Variants in ANK1 observed in about 807,000 individuals in gnomAD.
ANK1 encodes ankyrin-1.
In ANK1, 51 loss-of-function variants were observed where a neutral mutation model predicts 210.4. The observed-to-expected ratio is 0.24, with a 90% CI of 0.19 to 0.31. The LOEUF (loss-of-function observed/expected upper bound fraction) is 0.31. Among genes scored for constraint, ANK1 ranks in the 10% least tolerant of loss-of-function variants. The pLI, the probability that ANK1 is intolerant of heterozygous loss-of-function variation, is 1.00. For synonymous variants in ANK1, 967 were observed against 1,025.9 expected, an observed-to-expected ratio of 0.94 and a Z score of 1.10; for missense variants, 2,051 against 2,504.4, an observed-to-expected ratio of 0.82 and a Z score of 3.86.
intron 1 of ANK1, among the ~76,000 whole-genome samples, chr8:41,877,321 T>A (rs1366299532): frequency 6.6e-6 from 1 of 152,234 alleles, no homozygotes; most frequent in African/African-American, 2.4e-5. Flanking sequence ...AGCAGGCTCA[T>A]GGTGGCCAGC....
At chr8:41,823,331 G>T (rs1023466800) in intron 1 of ANK1, among the ~76,000 whole-genome samples, 27 of 152,168 alleles carry the variant, frequency 1.8e-4, no homozygotes, top group Non-Finnish European at 3.4e-4. Flanking sequence ...ACTTGGAGAA[G>T]AAACAGACAT....
At chr8:41,844,544 G>A (rs2150807234) in intron 1 of ANK1, among the ~76,000 whole-genome samples, 1 of 152,232 alleles carries the variant, frequency 6.6e-6, no homozygotes, top group South Asian at 2.1e-4. Flanking sequence ...GCCACAGGGG[G>A]GCGGGCAGCA....
At chr8:41,752,712 G>A (rs1177936433) in intron 2 of ANK1, among the ~76,000 whole-genome samples, 4 of 151,596 alleles carry the variant, frequency 2.6e-5, no homozygotes, top group East Asian at 1.9e-4. Flanking sequence ...CATCACCCAA[G>A]CCTGCTTGGC....
At chr8:41,838,883 C>T (rs1808334508) in intron 1 of ANK1, among the ~76,000 whole-genome samples, 1 of 152,004 alleles carries the variant, frequency 6.6e-6, no homozygotes, top group Non-Finnish European at 1.5e-5. Flanking sequence ...TCAAGACCAG[C>T]CTGGCCAACA....
At chr8:41,844,148 C>A (rs1809551318) in intron 1 of ANK1, among the ~76,000 whole-genome samples, 1 of 152,212 alleles carries the variant, frequency 6.6e-6, no homozygotes, top group Non-Finnish European at 1.5e-5. Flanking sequence ...GTTGGGATTA[C>A]AAGCGTGAGC....
At chr8:41,757,743 G>C (rs1392897639) in intron 2 of ANK1, among the ~76,000 whole-genome samples, 2 of 152,194 alleles carry the variant, frequency 1.3e-5, no homozygotes, top group African/African-American at 4.8e-5. Flanking sequence ...CAATTCAAAG[G>C]CCACATATTC....
chr8:41,715,837 G>C lies in ANK1; in HGVS notation c.1417C>G (p.Pro473Ala), dbSNP rs1046751152. ...VNAKAKDDQTPLHCAARIGHT... is the reference protein window; with the variant it reads ...VNAKAKDDQTALHCAARIGHT... ...CCGATGCGAGCTGCACAGTGAAGTG[G>C]GGTCTGGTCATCCTGGACCCCGAAG... Residue 473 changes from proline (P) to alanine (A), a missense_variant, in exon 14 of 43, where the codon CCA (proline) becomes GCA (alanine). Transcript: ENST00000289734. 1.2e-6 allele frequency: 2 copies of C among 1,614,218 alleles called. No homozygotes were observed. The highest frequency in any genetic ancestry group is 3.3e-5 in the Admixed American group (2 of 60,024).
chr8:41,875,847 G>T (rs557126128), intron 1 of ANK1, among the ~76,000 whole-genome samples: 2 of 152,108 alleles, frequency 1.3e-5, no homozygotes, highest in African/African-American at 2.4e-5. Context: ...GTTACACGGC[G>T]CAGGGACTGG....
chr8:41,665,190 G>A, intron 39 of ANK1: 1 of 1,532,286 alleles, frequency 6.5e-7, no homozygotes, highest in Non-Finnish European at 8.7e-7. Context: ...TTCTCTCTCT[G>A]TGGGCAGGAC....
At chr8:41,735,747 G>C (rs990171868) in intron 2 of ANK1, among the ~76,000 whole-genome samples, 1 of 152,192 alleles carries the variant, frequency 6.6e-6, no homozygotes, top group East Asian at 1.9e-4. Flanking sequence ...ACTAGCAGAG[G>C]AAAGTCACCC....
At chr8:41,677,636 C>A (rs1424233975) in intron 37 of ANK1, among the ~76,000 whole-genome samples, 1 of 150,784 alleles carries the variant, frequency 6.6e-6, no homozygotes, top group East Asian at 1.9e-4. Flanking sequence ...GTTGCCCAGG[C>A]TGGAGTGCAA....
rs749712558 is a variant in ANK1, at chr8:41,719,672, A to G, written c.1096T>C (p.Ser366Pro). 20 of 1,614,038 alleles carry G rather than the reference A, an allele frequency of 1.2e-5. No individual in the cohort carries two copies. Among genetic ancestry groups the G allele is most frequent in the Non-Finnish European group, 1.7e-5 (20 of 1,180,034 alleles). The change falls in exon 10 of 43, where the codon TCC becomes CCC. Residue 366 changes from serine to proline, a missense_variant. Transcript: ENST00000289734. ...GCACCCCCACTCACCAGGGCTCTGGAGTTGGGTTTGGCCCCTTTATCCAGA... is the reference window on the plus strand; with the variant it reads ...GCACCCCCACTCACCAGGGCTCTGGGGTTGGGTTTGGCCCCTTTATCCAGA... ...VLLDKGAKPN[S>P]RALNGFTPLH...
At chr8:41,657,369 G>A (rs12544241) in intron 42 of ANK1, among the ~76,000 whole-genome samples, 91,031 of 151,918 alleles carry the variant, frequency 0.6, 27,851 homozygotes, top group African/African-American at 0.72. Context: ...CAGTAATAGG[G>A]CCTACCCATT....
chr8:41,885,267 T>C (rs1254401584), intron 1 of ANK1, among the ~76,000 whole-genome samples: 2 of 152,190 alleles, frequency 1.3e-5, no homozygotes, highest in Non-Finnish European at 2.9e-5. Context: ...TTGTAAGTCC[T>C]GTGTGGGGCA....
At chr8:41,889,238 A>C (rs1818980235) in intron 1 of ANK1, among the ~76,000 whole-genome samples, 2 of 152,166 alleles carry the variant, frequency 1.3e-5, no homozygotes, top group Non-Finnish European at 2.9e-5. Flanking sequence ...GAAGTAGCCT[A>C]GTGCTGTGGG....
At chr8:41,706,909 G>A (rs142670567) in intron 17 of ANK1, among the ~76,000 whole-genome samples, 32,023 of 152,078 alleles carry the variant, frequency 0.21, 4,335 homozygotes, top group South Asian at 0.31. Context: ...GACCAGCCTG[G>A]CCAACATGGT....
chr8:41,852,725 G>A (rs776978270), intron 1 of ANK1, among the ~76,000 whole-genome samples: 11 of 152,236 alleles, frequency 7.2e-5, no homozygotes, highest in Non-Finnish European at 1.5e-4. Flanking sequence ...GATTTATCGA[G>A]GATGACGCCA....
chr8:41,797,158 C>T lies in ANK1; in HGVS notation c.27+354G>A, dbSNP rs1376153223. Reference sequence around the variant, plus strand: ...CCTACAAAACGCAGTTTAGCAGACTCAAAGGAAAGCCTCTAAGATCTCAAT... The same window carrying T: ...CCTACAAAACGCAGTTTAGCAGACTTAAAGGAAAGCCTCTAAGATCTCAAT... On this transcript the variant is annotated intron_variant, in intron 1 of 42. Coordinates refer to ENST00000289734, the MANE Select transcript of ANK1 (RefSeq NM_000037.4). This position sits in a 1 kb window ranked among gnomAD's most constrained non-coding sequence, Gnocchi z 4.0. 1.3e-5 allele frequency among the ~76,000 whole-genome samples: 2 copies of T among 152,142 alleles called. No homozygotes were observed. Among genetic ancestry groups the T allele is most frequent in the Non-Finnish European group, 2.9e-5 (2 of 68,026 alleles).
At chr8:41,713,296 T>G (rs1399833437) in intron 16 of ANK1, among the ~76,000 whole-genome samples, 2 of 152,102 alleles carry the variant, frequency 1.3e-5, no homozygotes, top group Non-Finnish European at 2.9e-5. Context: ...CTCCCTCTCC[T>G]CTCCCCTTCT....
Sources: allele counts gnomAD v4.1 joint callset (sites outside exome capture counted in the v4.1 genomes callset), GRCh38; gene constraint gnomAD v4.1.1; non-coding constraint Gnocchi (gnomAD v3.1); transcripts MANE v1.5; gene names NCBI Gene and HGNC (gene_info 2026-07-23, HGNC 2026-07-21).